The following MACROD2 variants were observed in gnomAD, a reference collection of about 807,000 sequenced individuals.
MACROD2 encodes mono-ADP ribosylhydrolase 2, also known as ADP-ribose glycohydrolase MACROD2.
MACROD2 carries 36 observed loss-of-function variants against 70.4 expected under a neutral mutation model. The ratio of observed to expected loss-of-function variants is 0.51; its 90% CI spans 0.39 to 0.68. The LOEUF is 0.68. Ranked by LOEUF, MACROD2 falls within the 30% of genes least tolerant of loss-of-function variation. The pLI is 0.00. For synonymous variants in MACROD2, 172 were observed against 178.8 expected, an observed-to-expected ratio of 0.96 and a Z score of 0.30; for missense variants, 496 against 538.4, an observed-to-expected ratio of 0.92 and a Z score of 0.78.
chr20:15,751,991 G>A (rs1208995141), intron 8 of MACROD2, among the ~76,000 whole-genome samples: 1 of 151,740 alleles, frequency 6.6e-6, no homozygotes, highest in African/African-American at 2.4e-5. Context: ...ATTATATCAA[G>A]GTTCCATAAA....
At chr20:15,590,964 A>G (rs533837990) in intron 8 of MACROD2, among the ~76,000 whole-genome samples, 2 of 150,470 alleles carry the variant, frequency 1.3e-5, no homozygotes, top group Admixed American at 1.3e-4. Context: ...AAAGAAAAAG[A>G]AAGAAAGAAA....
intron 8 of MACROD2, among the ~76,000 whole-genome samples, chr20:15,844,137 T>G (rs1379051451): frequency 6.6e-6 from 1 of 152,056 alleles, no homozygotes; most frequent in Non-Finnish European, 1.5e-5. Context: ...GTAAATGTTT[T>G]GCTGCTGTTG....
intron 3 of MACROD2, among the ~76,000 whole-genome samples, chr20:14,111,386 T>C (rs969339600): frequency 2.6e-5 from 4 of 151,954 alleles, no homozygotes; most frequent in Admixed American, 6.6e-5. Context: ...TTAAAAAGCT[T>C]CTGCACAGTA....
intron 8 of MACROD2, among the ~76,000 whole-genome samples, chr20:15,722,282 A>C (rs183745827): frequency 7.9e-5 from 12 of 152,270 alleles, no homozygotes; most frequent in Admixed American, 2.6e-4. Flanking sequence ...GGGCATAGAC[A>C]TCTTCAGTTT....
At position 14,533,427 on chromosome 20, in the gene MACROD2, T is replaced by A. The variant is rs1600351264; in HGVS notation, c.301+39919T>A. Reference sequence around the variant, plus strand: ...AAGCACATAGCCACATGACTTATGATTATACATTTTTAGATTATTTCTTAA... The same window carrying A: ...AAGCACATAGCCACATGACTTATGAATATACATTTTTAGATTATTTCTTAA... On this transcript the variant is annotated intron_variant, in intron 4 of 17. Transcript: ENST00000684519. 2.0e-5 allele frequency among the ~76,000 whole-genome samples: 3 copies of A among 152,334 alleles called. No individual in the cohort carries two copies. In the East Asian group the frequency reaches 5.8e-4, roughly 29 times the overall value.
At chr20:15,890,086 A>T (rs535626877) in intron 10 of MACROD2, among the ~76,000 whole-genome samples, 1 of 152,334 alleles carries the variant, frequency 6.6e-6, no homozygotes, top group South Asian at 2.1e-4. Flanking sequence ...ATGATACAAT[A>T]CTGTTTCACA....
At chr20:15,385,929 G>A (rs1364229470) in intron 6 of MACROD2, among the ~76,000 whole-genome samples, 1 of 152,194 alleles carries the variant, frequency 6.6e-6, no homozygotes, top group East Asian at 1.9e-4. Context: ...TATAAATGAC[G>A]ATCTGTTCTA....
intron 6 of MACROD2, among the ~76,000 whole-genome samples, chr20:15,268,610 G>A (rs543836501): frequency 2.0e-5 from 3 of 152,256 alleles, no homozygotes; most frequent in African/African-American, 4.8e-5. Flanking sequence ...CTGAGATTGC[G>A]CCACTGCACT....
At chr20:15,086,741 T>C (rs1435775431) in intron 5 of MACROD2, among the ~76,000 whole-genome samples, 3 of 152,302 alleles carry the variant, frequency 2.0e-5, no homozygotes, top group South Asian at 4.1e-4. Flanking sequence ...TCCTTCTAAC[T>C]GTGACACACA....
At chr20:14,358,898 G>A (rs921277030) in intron 3 of MACROD2, among the ~76,000 whole-genome samples, 2 of 152,102 alleles carry the variant, frequency 1.3e-5, no homozygotes, top group Admixed American at 6.5e-5. Context: ...TGAAAAAATT[G>A]TAGTGAGGCC....
At chr20:15,602,205 G>A (rs12481560) in intron 8 of MACROD2, among the ~76,000 whole-genome samples, 8 of 152,116 alleles carry the variant, frequency 5.3e-5, no homozygotes, top group Non-Finnish European at 1.0e-4. Flanking sequence ...GATTGACTTA[G>A]CTAAAGAAAG....
rs779295891 is a variant in MACROD2, at chr20:14,815,311, C to T, written c.418+130352C>T. ...ATTTTAAAGACAGCCAGTAGTGAAT[C>T]TTTCGGAAAGAAAAAAGTTATCTTA... is the stretch of plus-strand genomic sequence containing the variant. On this transcript the variant is annotated intron_variant, in intron 5 of 17. Transcript: ENST00000684519. Among the ~76,000 whole-genome samples the T allele has an allele frequency of 4.3e-4, 65 of 152,000 alleles. 1 individual carries two copies. The highest frequency in any genetic ancestry group is 3.3e-4 in the Admixed American group (5 of 15,238).
chr20:14,772,070 G>T (rs181231895), intron 5 of MACROD2, among the ~76,000 whole-genome samples: 1 of 151,812 alleles, frequency 6.6e-6, no homozygotes, highest in African/African-American at 2.4e-5. Context: ...AAAAGCGTCC[G>T]CCATCCTAGA....
At chr20:14,715,261 C>T (rs1477336768) in intron 5 of MACROD2, among the ~76,000 whole-genome samples, 2 of 152,108 alleles carry the variant, frequency 1.3e-5, no homozygotes. Context: ...ATGCAGAAAA[C>T]TGTCTCCATG....
At chr20:14,730,568 A>G (rs187119528) in intron 5 of MACROD2, among the ~76,000 whole-genome samples, 12 of 152,322 alleles carry the variant, frequency 7.9e-5, no homozygotes, top group African/African-American at 2.9e-4. Flanking sequence ...ATACCTTTCA[A>G]GAAATTAAGA....
intron 5 of MACROD2, among the ~76,000 whole-genome samples, chr20:14,849,299 T>A (rs951163216): frequency 6.6e-6 from 1 of 152,202 alleles, no homozygotes; most frequent in Non-Finnish European, 1.5e-5. Flanking sequence ...CCAACTTTAT[T>A]CAGGTTTTAC....
chr20:15,108,008 T>A (rs966284085), intron 5 of MACROD2, among the ~76,000 whole-genome samples: 7 of 151,674 alleles, frequency 4.6e-5, no homozygotes, highest in African/African-American at 1.2e-4. Flanking sequence ...TACATTTTTT[T>A]ATTATTTTTT....
At chr20:15,560,690 A>G (rs2048229969) in intron 8 of MACROD2, among the ~76,000 whole-genome samples, 1 of 145,954 alleles carries the variant, frequency 6.9e-6, no homozygotes, top group African/African-American at 2.5e-5. Context: ...TTGAATCTGG[A>G]AGGCAGAGGT....
intron 8 of MACROD2, among the ~76,000 whole-genome samples, chr20:15,805,037 A>T (rs1163285735): frequency 6.6e-6 from 1 of 151,632 alleles, no homozygotes; most frequent in Non-Finnish European, 1.5e-5. Context: ...ATCCTTATTG[A>T]CTCCCTTCTC....
Sources: allele counts gnomAD v4.1 joint callset (sites outside exome capture counted in the v4.1 genomes callset), GRCh38; gene constraint gnomAD v4.1.1; transcripts MANE v1.5; gene names NCBI Gene and HGNC (gene_info 2026-07-23, HGNC 2026-07-21).